The following CYP2J2 variants were observed in gnomAD, a reference collection of about 807,000 sequenced individuals.
CYP2J2 encodes cytochrome P450 2J2.
CYP2J2 carries 41 observed loss-of-function variants against 48.8 expected under a neutral mutation model. That is an observed-to-expected ratio of 0.84 (90% CI 0.66 to 1.09). CYP2J2 has a LOEUF of 1.09. CYP2J2 is among the 50% of genes least tolerant of loss of function. The pLI is 0.00. For missense variants in CYP2J2, 644 were observed against 617.3 expected, an observed-to-expected ratio of 1.04 and a Z score of -0.46; for synonymous variants, 221 against 227.1, an observed-to-expected ratio of 0.97 and a Z score of 0.24.
chr1:59,921,792 A>G (rs1644517801), intron 1 of CYP2J2, among the ~76,000 whole-genome samples: 1 of 152,122 alleles, frequency 6.6e-6, no homozygotes. Context: ...ATGCTGATTA[A>G]TATCTTGCTA....
In CYP2J2 at chr1:59,912,241, A is replaced by G. The variant is rs752508931; in HGVS notation, c.444T>C (p.Phe148=). The change falls in exon 3 of 9, where the codon TTT becomes TTC. Residue 148 remains phenylalanine (F), a synonymous_variant. Coordinates refer to ENST00000371204, the MANE Select transcript of CYP2J2 (RefSeq NM_000775.4). ...CCTCTAAGCTCTTCTTTCCTAAACC[A>G]AAGTTCCTTAGTGCTGTCAGAGTGA... ...RRFTLTALRN[F]GLGKKSLEER... 1 of 1,613,850 alleles carries G rather than the reference A, an allele frequency of 6.2e-7. No individual in the cohort carries two copies. Among genetic ancestry groups the G allele is most frequent in the Non-Finnish European group, 8.5e-7 (1 of 1,179,830 alleles).
At chr1:59,901,234 C>T in intron 7 of CYP2J2, 131 bp from the exon 8 acceptor site, 1 of 868,922 alleles carries the variant, frequency 1.2e-6, no homozygotes, top group South Asian at 1.9e-5. Flanking sequence ...AATTGTGGTA[C>T]ACAGTCTCCT....
the CYP2J2 span, among the ~76,000 whole-genome samples, chr1:59,935,015 C>CGTATATAT: frequency 2.1e-5 from 1 of 47,496 alleles, no homozygotes; most frequent in Non-Finnish European, 4.2e-5. Flanking sequence ...TATATATATA[C>CGTATATAT]ATATATATAT....
chr1:59,908,219 C>T (rs577436262), intron 5 of CYP2J2, among the ~76,000 whole-genome samples: 19 of 152,200 alleles, frequency 1.2e-4, no homozygotes, highest in Admixed American at 7.9e-4. Flanking sequence ...GGGATGTGAA[C>T]GAGACAGATT....
intron 8 of CYP2J2, among the ~76,000 whole-genome samples, chr1:59,899,748 T>G (rs963029385): frequency 6.6e-6 from 1 of 152,202 alleles, no homozygotes; most frequent in East Asian, 1.9e-4. Context: ...AAAGTGGTTA[T>G]AGTAATATAA....
chr1:59,928,683 AC>A (rs1335986257), upstream of CYP2J2, among the ~76,000 whole-genome samples: 3 of 151,910 alleles, frequency 2.0e-5, no homozygotes, highest in African/African-American at 7.3e-5. Context: ...AATAATACCT[AC>A]CCCGGGCCAT....
intron 8 of CYP2J2, 29 bp from the exon 9 acceptor site, chr1:59,893,858 T>C: frequency 6.3e-7 from 1 of 1,576,574 alleles, no homozygotes; most frequent in South Asian, 1.2e-5. Context: ...AGACGGGTTA[T>C]CTTCTCAGGT....
the CYP2J2 span, among the ~76,000 whole-genome samples, chr1:59,935,752 TATC>T: frequency 6.6e-6 from 1 of 152,220 alleles, no homozygotes; most frequent in Non-Finnish European, 1.5e-5. Flanking sequence ...GTCAGTCTGA[TATC>T]ATCTTTTCAG....
At chr1:59,959,431 G>C in the CYP2J2 span, among the ~76,000 whole-genome samples, 1 of 151,896 alleles carries the variant, frequency 6.6e-6, no homozygotes. Flanking sequence ...AAAAAAAGAA[G>C]TCATTATGTG....
the CYP2J2 span, among the ~76,000 whole-genome samples, chr1:59,933,665 T>C: frequency 1.3e-5 from 2 of 152,104 alleles, no homozygotes; most frequent in East Asian, 1.9e-4. Flanking sequence ...TTAAAAAGAA[T>C]AGACTTAACT....
At chr1:59,968,468 G>A in the CYP2J2 span, among the ~76,000 whole-genome samples, 5 of 151,596 alleles carry the variant, frequency 3.3e-5, no homozygotes, top group Admixed American at 6.6e-5. Flanking sequence ...TGGAGGGCCT[G>A]GAGTCCCACC....
chr1:59,960,541 G>A, the CYP2J2 span, among the ~76,000 whole-genome samples: 2 of 152,130 alleles, frequency 1.3e-5, no homozygotes, highest in Non-Finnish European at 2.9e-5. Flanking sequence ...AAATTAATAG[G>A]GGCTTAATAC....
the CYP2J2 span, among the ~76,000 whole-genome samples, chr1:59,935,009 T>C: frequency 2.5e-5 from 1 of 39,940 alleles, no homozygotes; most frequent in Non-Finnish European, 4.5e-5. Context: ...TATATATATA[T>C]ATATACATAT....
upstream of CYP2J2, among the ~76,000 whole-genome samples, chr1:59,931,525 C>A (rs192982763): frequency 1.6e-4 from 25 of 152,062 alleles, no homozygotes; most frequent in African/African-American, 6.0e-4. Context: ...CTGAGTAGAA[C>A]ATATATAACA....
the CYP2J2 span, among the ~76,000 whole-genome samples, chr1:59,945,381 G>A: frequency 2.0e-5 from 3 of 151,590 alleles, no homozygotes; most frequent in Non-Finnish European, 4.4e-5. Context: ...TAATCAGAAA[G>A]TAAAATTCTC....
intron 7 of CYP2J2, among the ~76,000 whole-genome samples, 176 bp downstream of exon 7, chr1:59,904,695 C>G (rs1559073555): frequency 6.6e-6 from 1 of 152,014 alleles, no homozygotes; most frequent in Admixed American, 6.6e-5. Flanking sequence ...GCTCCCCTCC[C>G]CACAATACCT....
rs772811317 is a variant in CYP2J2 at position 59,893,732 on chromosome 1, A to G, written c.1428T>C (p.Asn476=). The G allele has an allele frequency of 6.2e-7, 1 of 1,613,254 alleles. No individual in the cohort carries two copies. The highest frequency in any genetic ancestry group is 2.2e-5 in the East Asian group (1 of 44,876). Residue 476 remains asparagine, a synonymous_variant, in exon 9 of 9, where the codon AAT becomes AAC. Coordinates refer to ENST00000371204, the MANE Select transcript of CYP2J2 (RefSeq NM_000775.4). ...TTCTAAACTTCAGGCTCAGCTTCTCATTGTTTGGGGGCCTGAAGGTAAATT... is the reference window on the plus strand; with the variant it reads ...TTCTAAACTTCAGGCTCAGCTTCTCGTTGTTTGGGGGCCTGAAGGTAAATT... ...MQKFTFRPPN[N]EKLSLKFRMG... is the part of the protein sequence containing the mutation.
chr1:59,904,896 G>C lies in CYP2J2; in HGVS notation c.1166C>G (p.Thr389Ser). Residue 389 changes from threonine to serine, a missense_variant, in exon 7 of 9, where the codon ACT becomes AGT. Physicochemically the swap from Thr to Ser is moderately conservative, Grantham distance 58 (BLOSUM62 1). Transcript: ENST00000371204. ...NVPREVTVDT[T>S]LAGYHLPKGT... ...CTTGGGCAGGTGGTACCCAGCCAAA[G>C]TGGTATCAACTGTCACTTCCCTGGG... 2 of 1,613,822 alleles carry C rather than the reference G, an allele frequency of 1.2e-6. No individual in the cohort carries two copies. Among genetic ancestry groups the C allele is most frequent in the African/African-American group, 1.3e-5 (1 of 75,012 alleles).
chr1:59,951,241 C>T, the CYP2J2 span, among the ~76,000 whole-genome samples: 14 of 152,190 alleles, frequency 9.2e-5, no homozygotes, highest in African/African-American at 1.7e-4. Context: ...TTTACCTCTA[C>T]ATTCTGTTGC....
Sources: gnomAD v4.1 joint callset for allele counts (sites outside exome capture counted in the v4.1 genomes callset) on GRCh38, gnomAD v4.1.1 for gene constraint, MANE v1.5 for transcripts, NCBI Gene and HGNC (gene_info 2026-07-23, HGNC 2026-07-21) for gene names.